The following MEIKIN variants were observed in gnomAD, a reference collection of about 807,000 sequenced individuals.
The protein encoded by MEIKIN is meiosis-specific kinetochore protein.
At chr5:131,899,616 C>A (rs1286118542) in intron 8 of MEIKIN, among the ~76,000 whole-genome samples, 1 of 149,824 alleles carries the variant, frequency 6.7e-6, no homozygotes, top group Non-Finnish European at 1.5e-5. Flanking sequence ...TAAAGACACA[C>A]ACAGACTGTA....
chr5:131,912,408 T>A (rs552894673), intron 7 of MEIKIN, among the ~76,000 whole-genome samples: 1 of 152,156 alleles, frequency 6.6e-6, no homozygotes, highest in East Asian at 1.9e-4. Flanking sequence ...TTTTTTATTT[T>A]GTACTTCTAC....
intron 11 of MEIKIN, among the ~76,000 whole-genome samples, chr5:131,844,999 G>A (rs542783431): frequency 1.3e-5 from 2 of 152,116 alleles, no homozygotes; most frequent in African/African-American, 4.8e-5. Context: ...GGCTGGGTGC[G>A]GTGGCTCACG....
intron 11 of MEIKIN, among the ~76,000 whole-genome samples, chr5:131,822,124 G>A (rs990165503): frequency 1.3e-5 from 2 of 151,920 alleles, no homozygotes; most frequent in Non-Finnish European, 2.9e-5. Context: ...GGTTTCTATT[G>A]GGATAAAATA....
At chr5:131,940,515 G>C (rs1368925824) in intron 4 of MEIKIN, among the ~76,000 whole-genome samples, 2 of 152,088 alleles carry the variant, frequency 1.3e-5, no homozygotes, top group Admixed American at 1.3e-4. Context: ...TCAAATGTTA[G>C]TTCTGTTTGT....
intron 11 of MEIKIN, among the ~76,000 whole-genome samples, chr5:131,839,849 T>C (rs1749872865): frequency 6.6e-6 from 1 of 152,210 alleles, no homozygotes; most frequent in Non-Finnish European, 1.5e-5. Context: ...TCTGTTTAAA[T>C]TCAAGGTTCA....
chr5:131,914,397 A>AC (rs1158488057), intron 7 of MEIKIN, among the ~76,000 whole-genome samples: 1 of 150,414 alleles, frequency 6.6e-6, no homozygotes, highest in Non-Finnish European at 1.5e-5. Context: ...AAAAAAAAAA[A>AC]AGAAAGAAAG....
chr5:131,814,635 T>C (rs921091395), intron 12 of MEIKIN, among the ~76,000 whole-genome samples: 2 of 152,172 alleles, frequency 1.3e-5, no homozygotes, highest in African/African-American at 4.8e-5. Flanking sequence ...GAAGGATGTA[T>C]GCCATAAAAT....
At chr5:131,821,072 T>C (rs1749488580) in intron 11 of MEIKIN, among the ~76,000 whole-genome samples, 1 of 152,198 alleles carries the variant, frequency 6.6e-6, no homozygotes, top group South Asian at 2.1e-4. Context: ...CTTTTTCTAA[T>C]TCTTTAAGAT....
chr5:131,860,253 T>C (rs1470262888), intron 9 of MEIKIN, among the ~76,000 whole-genome samples: 2 of 151,948 alleles, frequency 1.3e-5, no homozygotes. Context: ...GTAGAGATCT[T>C]TCACTTCTTG....
At chr5:131,855,614 T>C (rs1227380798) in intron 9 of MEIKIN, among the ~76,000 whole-genome samples, 1 of 146,094 alleles carries the variant, frequency 6.8e-6, no homozygotes, top group African/African-American at 2.5e-5. Context: ...AGAGGAAGAA[T>C]GAAAAGCAAA....
chr5:131,810,954 A>G (rs1772941649), intron 12 of MEIKIN, among the ~76,000 whole-genome samples: 1 of 152,244 alleles, frequency 6.6e-6, no homozygotes, highest in Non-Finnish European at 1.5e-5. Flanking sequence ...AGGACTAAAA[A>G]TAGGCTGCTG....
intron 12 of MEIKIN, among the ~76,000 whole-genome samples, chr5:131,816,127 A>G (rs1773095508): frequency 6.6e-6 from 1 of 152,212 alleles, no homozygotes; most frequent in African/African-American, 2.4e-5. Context: ...AGTTTTATGC[A>G]GGAGAGTTGT....
At chr5:131,857,728 A>G (rs1750219564) in intron 9 of MEIKIN, among the ~76,000 whole-genome samples, 1 of 152,130 alleles carries the variant, frequency 6.6e-6, no homozygotes, top group Non-Finnish European at 1.5e-5. Context: ...CTTTGCTGTC[A>G]TGCACTCGCC....
chr5:131,925,486 T>C lies in MEIKIN; in HGVS notation c.479-3545A>G, dbSNP rs555893714. 4.3e-4 allele frequency among the ~76,000 whole-genome samples: 65 copies of C among 152,198 alleles called. 1 individual carries two copies. The highest frequency in any genetic ancestry group is 7.9e-4 in the Non-Finnish European group (54 of 68,026). ...GTTTTCCAGCATACATATCTTCTAC[T>C]TCTTAAGTTTATTCCTAAATATTTT... is the stretch of plus-strand genomic sequence containing the variant. On this transcript the variant is annotated intron_variant, in intron 5 of 12. Transcript: ENST00000442687.
chr5:131,849,819 C>T (rs912283457), intron 11 of MEIKIN, among the ~76,000 whole-genome samples: 4 of 151,422 alleles, frequency 2.6e-5, no homozygotes, highest in South Asian at 2.1e-4. Flanking sequence ...TAGTTCTAGC[C>T]GGAGCAATTA....
intron 8 of MEIKIN, among the ~76,000 whole-genome samples, chr5:131,887,156 T>C (rs570518382): frequency 6.6e-6 from 1 of 152,200 alleles, no homozygotes; most frequent in African/African-American, 2.4e-5. Context: ...GCAAAGGACA[T>C]GAACTCATAC....
chr5:131,900,469 A>T (rs1751138329), intron 8 of MEIKIN, among the ~76,000 whole-genome samples: 1 of 152,048 alleles, frequency 6.6e-6, no homozygotes, highest in Non-Finnish European at 1.5e-5. Flanking sequence ...TCCTGGCAGG[A>T]GACCTCATGA....
intron 9 of MEIKIN, among the ~76,000 whole-genome samples, chr5:131,860,035 G>A (rs1175327405): frequency 6.6e-6 from 1 of 152,014 alleles, no homozygotes; most frequent in African/African-American, 2.4e-5. Context: ...GACTATTCTG[G>A]ATCTTTTTTG....
intron 5 of MEIKIN, among the ~76,000 whole-genome samples, chr5:131,927,924 T>C (rs1751618332): frequency 6.6e-6 from 1 of 151,972 alleles, no homozygotes; most frequent in South Asian, 2.1e-4. Context: ...GACGGGCGGA[T>C]CACGAGGTCA....
Sources: allele counts gnomAD v4.1 joint callset (sites outside exome capture counted in the v4.1 genomes callset), GRCh38; gene constraint gnomAD v4.1.1; transcripts MANE v1.5; gene names NCBI Gene and HGNC (gene_info 2026-07-23, HGNC 2026-07-21).